The following PRDM16 variants were observed in gnomAD, a reference collection of about 807,000 sequenced individuals.
The protein encoded by PRDM16 is histone-lysine N-methyltransferase PRDM16.
PRDM16 carries 23 observed loss-of-function variants against 110.6 expected under a neutral mutation model. The ratio of observed to expected loss-of-function variants is 0.21; its 90% CI spans 0.15 to 0.29. The LOEUF (loss-of-function observed/expected upper bound fraction) is 0.29, where lower values mean the gene tolerates loss of function less well. Ranked by LOEUF, PRDM16 falls within the 10% of genes least tolerant of loss-of-function variation. The pLI is 1.00. For missense variants in PRDM16, 1,615 were observed against 1,794.3 expected (o/e 0.90, Z 1.81); for synonymous variants, 799 against 781.8 (o/e 1.02, Z -0.37).
At chr1:3,392,635 C>T (rs1179779507) in intron 4 of PRDM16, among the ~76,000 whole-genome samples, 10 of 152,224 alleles carry the variant, frequency 6.6e-5, no homozygotes, top group Admixed American at 6.5e-4. Context: ...ATTTTAAAAA[C>T]TTTCTTTAAA....
At chr1:3,090,645 G>A (rs1048851654) in intron 1 of PRDM16, among the ~76,000 whole-genome samples, 4 of 152,210 alleles carry the variant, frequency 2.6e-5, no homozygotes, top group African/African-American at 9.7e-5. Flanking sequence ...GGCAGACTCG[G>A]CCACACAGCC....
chr1:3,349,904 G>T (rs1278854705), intron 3 of PRDM16, among the ~76,000 whole-genome samples: 1 of 152,230 alleles, frequency 6.6e-6, no homozygotes, highest in African/African-American at 2.4e-5. Context: ...GGCGCCCTCT[G>T]CCGTGAATGT....
intron 8 of PRDM16, among the ~76,000 whole-genome samples, chr1:3,408,259 G>A (rs955056733): frequency 2.6e-5 from 4 of 152,222 alleles, no homozygotes; most frequent in South Asian, 2.1e-4. Context: ...CCACACAGAC[G>A]GAGGGGGTGT....
At chr1:3,129,045 G>T (rs1643273975) in intron 1 of PRDM16, among the ~76,000 whole-genome samples, 1 of 152,184 alleles carries the variant, frequency 6.6e-6, no homozygotes, top group African/African-American at 2.4e-5. Flanking sequence ...GAGGGAGTCT[G>T]GTGCATGTGT....
At chr1:3,374,410 A>G (rs1642957798) in intron 3 of PRDM16, among the ~76,000 whole-genome samples, 1 of 152,248 alleles carries the variant, frequency 6.6e-6, no homozygotes, top group Admixed American at 6.5e-5. Context: ...ACAACTTTTC[A>G]GAGGCGAAAC....
intron 2 of PRDM16, among the ~76,000 whole-genome samples, chr1:3,194,738 G>C (rs529432760): frequency 6.6e-6 from 1 of 151,944 alleles, no homozygotes; most frequent in African/African-American, 2.4e-5. Context: ...ACACGCCACC[G>C]TCTGATCGCC....
chr1:3,351,882 A>T (rs1642502658), intron 3 of PRDM16, among the ~76,000 whole-genome samples: 1 of 150,156 alleles, frequency 6.7e-6, no homozygotes, highest in South Asian at 2.1e-4. Context: ...TGTGTCTGTG[A>T]CTTGGTATGG....
intron 3 of PRDM16, among the ~76,000 whole-genome samples, chr1:3,355,576 G>A (rs1398671336): frequency 6.6e-6 from 1 of 152,098 alleles, no homozygotes; most frequent in Non-Finnish European, 1.5e-5. Context: ...GCGTGCCCAA[G>A]AACAATAAAA....
intron 1 of PRDM16, among the ~76,000 whole-genome samples, chr1:3,164,937 G>A (rs1037738949): frequency 2.6e-5 from 4 of 152,220 alleles, no homozygotes; most frequent in Non-Finnish European, 4.4e-5. Context: ...CCCCAGAGGT[G>A]CAAGCCCTGA....
intron 2 of PRDM16, 151 bp downstream of exon 2, chr1:3,186,625 G>T (rs925005294): frequency 1.2e-5 from 7 of 584,318 alleles, no homozygotes; most frequent in African/African-American, 1.9e-5. Flanking sequence ...ATTTTATCCT[G>T]CAGCTCGCCT....
At chr1:3,298,941 C>T (rs1297922484) in intron 3 of PRDM16, among the ~76,000 whole-genome samples, 1 of 152,238 alleles carries the variant, frequency 6.6e-6, no homozygotes, top group Non-Finnish European at 1.5e-5. Context: ...CAGGCTGGGT[C>T]TCCTCCCGTC....
At chr1:3,101,401 A>C (rs1433213707) in intron 1 of PRDM16, among the ~76,000 whole-genome samples, 1 of 152,194 alleles carries the variant, frequency 6.6e-6, no homozygotes, top group African/African-American at 2.4e-5. Flanking sequence ...CACTGAATTA[A>C]ATTCCCCCTC....
intron 2 of PRDM16, among the ~76,000 whole-genome samples, chr1:3,197,629 C>T (rs1176095996): frequency 1.3e-5 from 2 of 152,242 alleles, no homozygotes; most frequent in African/African-American, 2.4e-5. Flanking sequence ...ATCATTTGCG[C>T]TTGAGATCTT....
At chr1:3,192,792 A>T (rs941803779) in intron 2 of PRDM16, among the ~76,000 whole-genome samples, 1 of 152,110 alleles carries the variant, frequency 6.6e-6, no homozygotes, top group African/African-American at 2.4e-5. Context: ...ACCAAGATCA[A>T]CCCAGAGACA....
chr1:3,405,145 C>T (rs1569702261), intron 7 of PRDM16, among the ~76,000 whole-genome samples: 1 of 152,212 alleles, frequency 6.6e-6, no homozygotes, highest in Non-Finnish European at 1.5e-5. Flanking sequence ...CTCCTGTCCT[C>T]CCGCCGGTGT....
At chr1:3,177,962 T>G (rs1469789513) in intron 1 of PRDM16, among the ~76,000 whole-genome samples, 3 of 152,140 alleles carry the variant, frequency 2.0e-5, no homozygotes, top group Non-Finnish European at 4.4e-5. Flanking sequence ...CCAGCACAGC[T>G]CCTTGGAGCA....
At chr1:3,352,703 T>A (rs1642518511) in intron 3 of PRDM16, among the ~76,000 whole-genome samples, 1 of 152,220 alleles carries the variant, frequency 6.6e-6, no homozygotes, top group Non-Finnish European at 1.5e-5. Context: ...AGGCCCTAAA[T>A]ACACCCACCC....
At chr1:3,418,841 C>G in intron 12 of PRDM16, 97 bp downstream of exon 12, 1 of 944,976 alleles carries the variant, frequency 1.1e-6, no homozygotes, top group South Asian at 1.4e-5. Context: ...CCAGGGCTCC[C>G]TGCTGGAGTG....
chr1:3,114,814 C>T (rs1642918797), intron 1 of PRDM16, among the ~76,000 whole-genome samples: 1 of 152,274 alleles, frequency 6.6e-6, no homozygotes. Context: ...CCAGACCATC[C>T]CAGGTCAGCC....
Sources: allele counts gnomAD v4.1 joint callset (sites outside exome capture counted in the v4.1 genomes callset), GRCh38; gene constraint gnomAD v4.1.1; transcripts MANE v1.5; gene names NCBI Gene and HGNC (gene_info 2026-07-23, HGNC 2026-07-21).